ZNF727: variants seen among roughly 807,000 people sequenced by gnomAD.
ZNF727 encodes zinc finger protein 727.
In ZNF727, 11 loss-of-function variants were observed where a neutral mutation model predicts 11.5. That is an observed-to-expected ratio of 0.95 (90% confidence interval 0.60 to 1.58). The LOEUF (loss-of-function observed/expected upper bound fraction) is 1.58, where lower values mean the gene tolerates loss of function less well. ZNF727 is among the 40% of genes most tolerant of loss of function. The pLI is 0.00. For missense variants in ZNF727, 533 were observed against 581.7 expected, an observed-to-expected ratio of 0.92 and a Z score of 0.86; for synonymous variants, 171 against 196.1, an observed-to-expected ratio of 0.87 and a Z score of 1.07.
chr7:64,046,685 C>A (rs1315779008), intron 1 of ZNF727, among the ~76,000 whole-genome samples: 2 of 152,232 alleles, frequency 1.3e-5, no homozygotes, highest in African/African-American at 4.8e-5. Flanking sequence ...AATCCTCTTT[C>A]TTATAAATTA....
chr7:64,063,779 A>G (rs761074831), intron 1 of ZNF727, among the ~76,000 whole-genome samples: 1 of 152,038 alleles, frequency 6.6e-6, no homozygotes, highest in Non-Finnish European at 1.5e-5. Context: ...ATGGAGTCAG[A>G]AGCCTTAGGA....
Position 64,077,802 on chromosome 7 carries a change from T to C in ZNF727, c.753T>C (p.Thr251=). Residue 251 remains threonine (T), a synonymous_variant, in exon 4 of 4, where the codon ACT becomes ACC. Coordinates refer to ENST00000456806, the MANE Select transcript of ZNF727 (RefSeq NM_001159522.3). ...SALTKHKRNH[T]GDRPYKCEEC... ...TTACTAAACACAAGAGAAATCATAC[T>C]GGAGACAGACCCTACAAATGCGAAG... is the stretch of plus-strand genomic sequence containing the variant. 1 of 1,570,486 alleles carries C rather than the reference T, an allele frequency of 6.4e-7. No individual in the cohort carries two copies. Among genetic ancestry groups the C allele is most frequent in the African/African-American group, 1.4e-5 (1 of 73,532 alleles).
chr7:64,046,617 C>T (rs755255690), intron 1 of ZNF727, among the ~76,000 whole-genome samples: 26 of 152,318 alleles, frequency 1.7e-4, no homozygotes, highest in African/African-American at 6.3e-4. Flanking sequence ...TGGGGCCCCC[C>T]CAGAAGCAGA....
Position 64,081,673 on chromosome 7 carries a change from C to G in ZNF727, c.*3124C>G, listed in dbSNP as rs981160385. ...GTAAGCAGTTGTGGCCAGACTGGAT[C>G]CCTGGGAGAGGCCAGCAGACCAAGG... On this transcript the variant is annotated 3_prime_UTR_variant, in exon 4 of 4. Coordinates refer to ENST00000456806, the MANE Select transcript of ZNF727 (RefSeq NM_001159522.3). Among the ~76,000 whole-genome samples, 1 of 152,102 alleles carries G rather than the reference C, an allele frequency of 6.6e-6. No individual in the cohort carries two copies. Among genetic ancestry groups the G allele is most frequent in the African/African-American group, 2.4e-5 (1 of 41,422 alleles).
At chr7:64,069,715 C>T (rs1055751534) in intron 3 of ZNF727, 106 bp downstream of exon 3, 7 of 896,366 alleles carry the variant, frequency 7.8e-6, no homozygotes, top group South Asian at 6.6e-5. Context: ...CAGTGGAAAT[C>T]GTTTCTGAGA....
At chr7:64,076,608 G>A (rs766755524) in intron 3 of ZNF727, among the ~76,000 whole-genome samples, 2 of 152,108 alleles carry the variant, frequency 1.3e-5, no homozygotes, top group Non-Finnish European at 1.5e-5. Flanking sequence ...AAAAAATTAT[G>A]GAGACTTCTT....
At chr7:64,057,390 G>A (rs779147283) in intron 1 of ZNF727, among the ~76,000 whole-genome samples, 32 of 152,162 alleles carry the variant, frequency 2.1e-4, no homozygotes, top group Non-Finnish European at 4.1e-4. Context: ...GAAGGAAAAG[G>A]ATCATGTTCT....
At chr7:64,050,814 A>ATGTG (rs1562789823) in intron 1 of ZNF727, among the ~76,000 whole-genome samples, 1 of 144,394 alleles carries the variant, frequency 6.9e-6, no homozygotes, top group African/African-American at 2.6e-5. Context: ...GTGTGTGTGT[A>ATGTG]TGTATGTATA....
intron 3 of ZNF727, among the ~76,000 whole-genome samples, chr7:64,070,021 A>T (rs553236503): frequency 5.9e-5 from 9 of 152,064 alleles, no homozygotes; most frequent in Non-Finnish European, 1.3e-4. Flanking sequence ...GTCTAAATGT[A>T]GAAGTTTTGG....
chr7:64,066,097 A>T (rs59934454), intron 1 of ZNF727, among the ~76,000 whole-genome samples: 2 of 152,270 alleles, frequency 1.3e-5, no homozygotes, highest in East Asian at 3.9e-4. Flanking sequence ...AGTTCTGAAT[A>T]AAAAATAATT....
chr7:64,045,868 T>G (rs1789496153), intron 1 of ZNF727, among the ~76,000 whole-genome samples: 1 of 152,120 alleles, frequency 6.6e-6, no homozygotes, highest in East Asian at 1.9e-4. Flanking sequence ...TTTGGGCAGC[T>G]CTGTGTCGCA....
In ZNF727 at chr7:64,069,147, G is replaced by A. The variant is rs1789918800; in HGVS notation, c.130+130G>A. ...TTCAAAAAGAAAAAATTGGGTATCTGTTTAGGTAGTAAATATAATCTTTAA... is the reference window on the plus strand; with the variant it reads ...TTCAAAAAGAAAAAATTGGGTATCTATTTAGGTAGTAAATATAATCTTTAA... On this transcript the variant is annotated intron_variant, in intron 2 of 3. Transcript: ENST00000456806. The A allele has an allele frequency of 4.2e-6, 4 of 953,940 alleles. No individual in the cohort carries two copies. In the East Asian group the frequency reaches 1.1e-4, roughly 26 times the overall value. 59.1% of individuals were successfully genotyped at this position (953,940 alleles called of 1,614,324 possible).
intron 1 of ZNF727, among the ~76,000 whole-genome samples, chr7:64,048,640 C>T (rs1291319278): frequency 2.6e-5 from 4 of 152,094 alleles, no homozygotes; most frequent in Admixed American, 2.0e-4. Context: ...TCAGGTAATA[C>T]GTAACCTAAA....
chr7:64,056,061 G>A (rs2116281715), intron 1 of ZNF727, among the ~76,000 whole-genome samples: 1 of 151,912 alleles, frequency 6.6e-6, no homozygotes, highest in South Asian at 2.1e-4. Flanking sequence ...TAGGGATTAT[G>A]TTGTTTTTTG....
chr7:64,048,978 G>T (rs1374667908), intron 1 of ZNF727, among the ~76,000 whole-genome samples: 1 of 152,070 alleles, frequency 6.6e-6, no homozygotes, highest in Non-Finnish European at 1.5e-5. Flanking sequence ...GTATGGAGAG[G>T]GCGGTGACCA....
At chr7:64,075,815 C>T (rs921046020) in intron 3 of ZNF727, among the ~76,000 whole-genome samples, 2 of 151,984 alleles carry the variant, frequency 1.3e-5, no homozygotes, top group African/African-American at 4.8e-5. Context: ...AGCAATATCC[C>T]AAAACTTTGC....
rs1224700430 is a variant in ZNF727 at position 64,083,619 on chromosome 7, T to C, written c.*5070T>C. On this transcript the variant is annotated 3_prime_UTR_variant, in exon 4 of 4. Transcript: ENST00000456806. Reference sequence around the variant, plus strand: ...GCTCTGTGTGTTAAATTGAAGGCCTTGGTGAAGTGGGTTCCTGAGGGTATC... The same window carrying C: ...GCTCTGTGTGTTAAATTGAAGGCCTCGGTGAAGTGGGTTCCTGAGGGTATC... Among the ~76,000 whole-genome samples the C allele has an allele frequency of 1.3e-5, 2 of 152,194 alleles. No homozygotes were observed. Among genetic ancestry groups the C allele is most frequent in the African/African-American group, 4.8e-5 (2 of 41,438 alleles).
rs1369916992 is a variant in ZNF727 at position 64,082,716 on chromosome 7, A to G, written c.*4167A>G. ...CATGGTGAAATCCCACCTCTACTAA[A>G]ATACAAAAAAAGAAAATTAGCCAGG... is the stretch of plus-strand genomic sequence containing the variant. On this transcript the variant is annotated 3_prime_UTR_variant, in exon 4 of 4. Transcript: ENST00000456806. Among the ~76,000 whole-genome samples the G allele has an allele frequency of 6.6e-6, 1 of 152,086 alleles. No individual in the cohort carries two copies. Among genetic ancestry groups the G allele is most frequent in the Non-Finnish European group, 1.5e-5 (1 of 68,012 alleles).
At chr7:64,066,404 C>G (rs560306745) in intron 1 of ZNF727, among the ~76,000 whole-genome samples, 1 of 152,260 alleles carries the variant, frequency 6.6e-6, no homozygotes, top group Admixed American at 6.5e-5. Context: ...TCAAACTATT[C>G]TACAAGGCTA....
Sources: gnomAD v4.1 joint callset for allele counts (sites outside exome capture counted in the v4.1 genomes callset) on GRCh38, gnomAD v4.1.1 for gene constraint, MANE v1.5 for transcripts, NCBI Gene and HGNC (gene_info 2026-07-23, HGNC 2026-07-21) for gene names.